Variants in CACNA2D3 observed in about 807,000 individuals in gnomAD.
CACNA2D3 encodes voltage-dependent calcium channel subunit alpha-2/delta-3.
A neutral mutation model predicts 160.6 loss-of-function variants in CACNA2D3; 60 were observed. The observed-to-expected ratio is 0.37, with a 90% CI of 0.30 to 0.46. The LOEUF (loss-of-function observed/expected upper bound fraction) is 0.46, where lower values mean the gene tolerates loss of function less well. Among genes scored for constraint, CACNA2D3 ranks in the 20% least tolerant of loss-of-function variants. The probability of loss-of-function intolerance (pLI) is 1.00; values close to 1 mark genes in which losing one functional copy is unlikely to be tolerated. For missense variants in CACNA2D3, 1,205 were observed against 1,365.0 expected (o/e 0.88, Z 1.85); for synonymous variants, 558 against 492.9 (o/e 1.13, Z -1.75).
At chr3:54,235,907 G>C (rs1444443826) in intron 2 of CACNA2D3, among the ~76,000 whole-genome samples, 6 of 152,180 alleles carry the variant, frequency 3.9e-5, no homozygotes, top group African/African-American at 1.2e-4. Flanking sequence ...GGGGAAAAGA[G>C]TGACTTGACA....
intron 11 of CACNA2D3, among the ~76,000 whole-genome samples, chr3:54,721,551 A>G (rs1408168195): frequency 6.6e-6 from 1 of 152,068 alleles, no homozygotes; most frequent in Non-Finnish European, 1.5e-5. Context: ...ACCTGAGGTC[A>G]GGAGTTCGAG....
At chr3:54,585,097 TAAG>T (rs899553770) in intron 9 of CACNA2D3, among the ~76,000 whole-genome samples, 1 of 152,154 alleles carries the variant, frequency 6.6e-6, no homozygotes, top group Non-Finnish European at 1.5e-5. Flanking sequence ...TTGGAATGAG[TAAG>T]AAGATTACAA....
At chr3:55,051,838 G>T (rs535747711) in intron 35 of CACNA2D3, among the ~76,000 whole-genome samples, 2 of 152,180 alleles carry the variant, frequency 1.3e-5, no homozygotes, top group Non-Finnish European at 2.9e-5. Context: ...TCGGAAAAGC[G>T]CAGTATTCGG....
intron 3 of CACNA2D3, among the ~76,000 whole-genome samples, chr3:54,344,606 T>G (rs1698423562): frequency 6.6e-6 from 1 of 152,150 alleles, no homozygotes; most frequent in Non-Finnish European, 1.5e-5. Flanking sequence ...CTGGCTTGAG[T>G]TCCAGCTTGG....
chr3:54,903,849 A>G (rs539916609), intron 27 of CACNA2D3, among the ~76,000 whole-genome samples: 86 of 152,264 alleles, frequency 5.6e-4, no homozygotes, highest in Non-Finnish European at 8.5e-4. Context: ...AGCTGCATGT[A>G]TGTCTTCTTC....
chr3:54,435,983 C>T (rs546076559), intron 4 of CACNA2D3, among the ~76,000 whole-genome samples: 15 of 152,016 alleles, frequency 9.9e-5, no homozygotes, highest in Non-Finnish European at 1.6e-4. Flanking sequence ...AGAGTGGGAA[C>T]GACAGAGGAT....
chr3:54,655,349 G>A (rs187719705), intron 11 of CACNA2D3, among the ~76,000 whole-genome samples: 20 of 152,262 alleles, frequency 1.3e-4, no homozygotes, highest in Admixed American at 9.8e-4. Context: ...AAAATGTTGC[G>A]CTCCCAAGCT....
chr3:54,837,956 G>A (rs1003277871), intron 15 of CACNA2D3, among the ~76,000 whole-genome samples: 7 of 152,072 alleles, frequency 4.6e-5, no homozygotes, highest in Non-Finnish European at 7.4e-5. Flanking sequence ...ATGAACTTGG[G>A]GGGACACTGT....
chr3:54,727,110 A>G (rs886193155), intron 11 of CACNA2D3, among the ~76,000 whole-genome samples: 4 of 152,244 alleles, frequency 2.6e-5, no homozygotes, highest in African/African-American at 9.6e-5. Flanking sequence ...ATGAACAGAC[A>G]CTTCTCAAAA....
At chr3:55,023,073 T>A (rs1201576234) in intron 35 of CACNA2D3, among the ~76,000 whole-genome samples, 1 of 152,160 alleles carries the variant, frequency 6.6e-6, no homozygotes, top group Non-Finnish European at 1.5e-5. Context: ...TAAATTCTCA[T>A]TCTTTGTCTA....
chr3:54,914,760 G>C (rs1700626482), intron 27 of CACNA2D3, among the ~76,000 whole-genome samples: 1 of 152,184 alleles, frequency 6.6e-6, no homozygotes, highest in African/African-American at 2.4e-5. Flanking sequence ...CATGCATGCA[G>C]ATCATAGCCC....
At chr3:54,339,776 G>A (rs1246453653) in intron 3 of CACNA2D3, among the ~76,000 whole-genome samples, 3 of 152,132 alleles carry the variant, frequency 2.0e-5, no homozygotes, top group African/African-American at 7.2e-5. Context: ...TATTCTTTGT[G>A]AGTGAGTTAC....
chr3:54,359,910 A>G (rs1698713274), intron 3 of CACNA2D3, among the ~76,000 whole-genome samples: 1 of 152,236 alleles, frequency 6.6e-6, no homozygotes, highest in Non-Finnish European at 1.5e-5. Context: ...AGTCATGCTC[A>G]GACCTCTATT....
intron 5 of CACNA2D3, among the ~76,000 whole-genome samples, chr3:54,560,523 T>G (rs1559512854): frequency 6.6e-6 from 1 of 152,250 alleles, no homozygotes; most frequent in African/African-American, 2.4e-5. Context: ...TCTCCTATTC[T>G]GTAGGTTGTC....
intron 31 of CACNA2D3, among the ~76,000 whole-genome samples, chr3:55,000,097 C>T (rs1575429292): frequency 6.6e-6 from 1 of 152,200 alleles, no homozygotes; most frequent in East Asian, 1.9e-4. Context: ...TACACCCCCA[C>T]TGCTGAGTGC....
chr3:54,891,301 A>G, intron 24 of CACNA2D3, 54 bp from the exon 25 acceptor site: 3 of 1,209,844 alleles, frequency 2.5e-6, no homozygotes, highest in South Asian at 1.3e-5. Context: ...AATGCAATGT[A>G]TTATCTGCTT....
intron 3 of CACNA2D3, 104 bp from the exon 4 acceptor site, chr3:54,386,611 A>G (rs1425991080): frequency 6.7e-6 from 7 of 1,044,514 alleles, no homozygotes; most frequent in Non-Finnish European, 8.3e-6. Context: ...ATCACAATGT[A>G]TGAACCACGA....
At chr3:54,651,138 A>G (rs975431947) in intron 11 of CACNA2D3, among the ~76,000 whole-genome samples, 3 of 152,180 alleles carry the variant, frequency 2.0e-5, no homozygotes, top group African/African-American at 7.2e-5. Flanking sequence ...GGTCAGAGGA[A>G]GAGCTGTCCA....
chr3:54,246,328 TC>T (rs1014820063), intron 2 of CACNA2D3, among the ~76,000 whole-genome samples: 1 of 152,220 alleles, frequency 6.6e-6, no homozygotes, highest in African/African-American at 2.4e-5. Flanking sequence ...TAATATTTTT[TC>T]CCTTGTAAGT....
Sources: gnomAD v4.1 joint callset for allele counts (sites outside exome capture counted in the v4.1 genomes callset) on GRCh38, gnomAD v4.1.1 for gene constraint, MANE v1.5 for transcripts, NCBI Gene and HGNC (gene_info 2026-07-23, HGNC 2026-07-21) for gene names.